MGST2: variants seen among roughly 807,000 people sequenced by gnomAD.
The protein encoded by MGST2 is microsomal glutathione S-transferase 2.
A neutral mutation model predicts 16.6 loss-of-function variants in MGST2; 9 were observed. That is an observed-to-expected ratio of 0.54 (90% CI 0.33 to 0.95). The LOEUF is 0.95. Among genes scored for constraint, MGST2 ranks in the 40% least tolerant of loss-of-function variants. The probability of loss-of-function intolerance (pLI) is 0.03; values close to 1 mark genes in which losing one functional copy is unlikely to be tolerated. For synonymous variants in MGST2, 79 were observed against 68.0 expected (o/e 1.16, Z -0.79); for missense variants, 159 against 175.1 (o/e 0.91, Z 0.52).
chr4:139,724,749 T>C (rs1043658337), intron 5 of MGST2, among the ~76,000 whole-genome samples: 1 of 150,856 alleles, frequency 6.6e-6, no homozygotes, highest in African/African-American at 2.4e-5. Context: ...GCTATTTTCT[T>C]CACCCCATAT....
chr4:139,709,010 A>AAG (rs1553949039), downstream of MGST2, among the ~76,000 whole-genome samples: 4 of 137,766 alleles, frequency 2.9e-5, no homozygotes, highest in African/African-American at 7.8e-5. Context: ...AAAAAAAAAA[A>AAG]AAAAAGAAAA....
chr4:139,706,673 A>AAC (rs1220897029), downstream of MGST2, among the ~76,000 whole-genome samples: 1 of 152,024 alleles, frequency 6.6e-6, no homozygotes, highest in East Asian at 1.9e-4. Flanking sequence ...GGCAGGGTAA[A>AAC]ACACACACAT....
At chr4:139,694,669 T>C (rs1049970547) in intron 2 of MGST2, among the ~76,000 whole-genome samples, 10 of 152,184 alleles carry the variant, frequency 6.6e-5, no homozygotes, top group Admixed American at 1.3e-4. Flanking sequence ...ATGGATGCTG[T>C]CTATCTTTGA....
chr4:139,731,456 A>G (rs946105978), intron 5 of MGST2: 1 of 158,032 alleles, frequency 6.3e-6, no homozygotes, highest in African/African-American at 3.1e-5. Context: ...AAAAAAAAAA[A>G]AAAAAAAAAA....
intron 5 of MGST2, among the ~76,000 whole-genome samples, chr4:139,720,548 T>C (rs1487253790): frequency 6.6e-6 from 1 of 152,260 alleles, no homozygotes; most frequent in Non-Finnish European, 1.5e-5. Context: ...TAAAGTCACC[T>C]GAAATCCCAC....
chr4:139,703,663 T>A, intron 4 of MGST2, 127 bp downstream of exon 4: 1 of 885,302 alleles, frequency 1.1e-6, no homozygotes, highest in Non-Finnish European at 1.8e-6. Context: ...CCATACTGTC[T>A]GAGGTCAAGT....
At chr4:139,700,360 T>C (rs1403039653) in intron 3 of MGST2, among the ~76,000 whole-genome samples, 1 of 152,078 alleles carries the variant, frequency 6.6e-6, no homozygotes, top group African/African-American at 2.4e-5. Context: ...CTCGATCTCC[T>C]GATCTCGTGA....
intron 2 of MGST2, chr4:139,685,437 C>A (rs1321081162): frequency 6.5e-6 from 1 of 154,048 alleles, no homozygotes. Context: ...CTCTCTTTTA[C>A]TCTTGTGTCT....
At chr4:139,683,675 G>A (rs1731386456) in intron 2 of MGST2, among the ~76,000 whole-genome samples, 5 of 152,022 alleles carry the variant, frequency 3.3e-5, no homozygotes, top group Admixed American at 2.6e-4. Flanking sequence ...CCATGAGACT[G>A]GATAAAATCA....
chr4:139,742,156 T>C (rs1205702525), downstream of MGST2, among the ~76,000 whole-genome samples: 5 of 150,872 alleles, frequency 3.3e-5, no homozygotes, highest in South Asian at 4.2e-4. Context: ...TTTCTTTTTT[T>C]TTTTTTTTTT....
chr4:139,713,153 C>T (rs1200731428), intron 5 of MGST2, among the ~76,000 whole-genome samples: 1 of 152,102 alleles, frequency 6.6e-6, no homozygotes, highest in Non-Finnish European at 1.5e-5. Flanking sequence ...ATTAGCCATC[C>T]CTTAAAGTAT....
chr4:139,723,788 A>G (rs1485734404), intron 5 of MGST2, among the ~76,000 whole-genome samples: 2 of 152,194 alleles, frequency 1.3e-5, no homozygotes, highest in Non-Finnish European at 2.9e-5. Flanking sequence ...TATGTTTTTA[A>G]TTAGTTCATA....
In MGST2 at chr4:139,735,830, C is replaced by T. The variant is rs1380656215; in HGVS notation, c.*49-4382C>T. 2.0e-5 allele frequency among the ~76,000 whole-genome samples: 3 copies of T among 151,916 alleles called. No homozygotes were observed. The highest frequency in any genetic ancestry group is 6.6e-5 in the Admixed American group (1 of 15,248). ...CAGGCGGCCCTAACAAAGAAGCCCA[C>T]GAGGCGGTCCCGGGCGCGGGCAGGG... On this transcript the variant is annotated intron_variant, in intron 5 of 5. Coordinates refer to the MGST2 transcript ENST00000616265. This position sits in a 1 kb window ranked among gnomAD's most constrained non-coding sequence, Gnocchi z 5.8.
chr4:139,723,852 C>G (rs940378708), intron 5 of MGST2, among the ~76,000 whole-genome samples: 2 of 152,176 alleles, frequency 1.3e-5, no homozygotes, highest in Non-Finnish European at 2.9e-5. Flanking sequence ...ATCAGTGACT[C>G]CTGGGAACTT....
intron 3 of MGST2, among the ~76,000 whole-genome samples, chr4:139,702,485 A>G (rs1727301109): frequency 6.6e-6 from 1 of 151,944 alleles, no homozygotes; most frequent in African/African-American, 2.4e-5. Flanking sequence ...TGTTGCATAG[A>G]TCTGTTTTTT....
chr4:139,702,308 C>A (rs1727291407), intron 3 of MGST2, among the ~76,000 whole-genome samples: 1 of 152,102 alleles, frequency 6.6e-6, no homozygotes, highest in Admixed American at 6.6e-5. Flanking sequence ...TGACAACCAC[C>A]CAGAAAGTGT....
chr4:139,672,154 A>G (rs2602238), intron 1 of MGST2, among the ~76,000 whole-genome samples: 91,422 of 152,072 alleles, frequency 0.6, 29,847 homozygotes, highest in African/African-American at 0.86. Flanking sequence ...ACAGATGCCC[A>G]TTGGGTGCAA....
the MGST2 span, among the ~76,000 whole-genome samples, chr4:139,748,409 A>G: frequency 6.6e-6 from 1 of 152,220 alleles, no homozygotes; most frequent in African/African-American, 2.4e-5. Flanking sequence ...AGAAATGGAA[A>G]GAAGTGGAGC....
the MGST2 span, among the ~76,000 whole-genome samples, chr4:139,753,277 T>C: frequency 2.6e-5 from 4 of 152,228 alleles, no homozygotes; most frequent in African/African-American, 7.2e-5. Flanking sequence ...AACTTTTTCA[T>C]CTTAAACAGA....
Sources: allele counts gnomAD v4.1 joint callset (sites outside exome capture counted in the v4.1 genomes callset), GRCh38; gene constraint gnomAD v4.1.1; non-coding constraint Gnocchi (gnomAD v3.1); transcripts MANE v1.5; gene names NCBI Gene and HGNC (gene_info 2026-07-23, HGNC 2026-07-21).